Variants in SCHIP1 observed in about 807,000 individuals in gnomAD.
SCHIP1 encodes the protein schwannomin interacting protein 1.
In SCHIP1, 8 loss-of-function variants were observed where a neutral mutation model predicts 29.7. That is an observed-to-expected ratio of 0.27 (90% confidence interval 0.16 to 0.49). The LOEUF (loss-of-function observed/expected upper bound fraction) is 0.49. Ranked by LOEUF, SCHIP1 falls within the 20% of genes least tolerant of loss-of-function variation. SCHIP1 has a pLI of 0.99. For synonymous variants in SCHIP1, 76 were observed against 94.9 expected, an observed-to-expected ratio of 0.80 and a Z score of 1.16; for missense variants, 193 against 294.6, an observed-to-expected ratio of 0.66 and a Z score of 2.52.
chr3:159,604,130 GA>G, the SCHIP1 span, among the ~76,000 whole-genome samples: 1 of 152,260 alleles, frequency 6.6e-6, no homozygotes, highest in East Asian at 1.9e-4. Flanking sequence ...GGTTGAAGGA[GA>G]AAAATTCACC....
At chr3:159,469,935 T>C in the SCHIP1 span, among the ~76,000 whole-genome samples, 1 of 152,092 alleles carries the variant, frequency 6.6e-6, no homozygotes, top group Non-Finnish European at 1.5e-5. Context: ...CAATGTTCAT[T>C]AAATAATAAT....
chr3:159,586,881 C>T, the SCHIP1 span, among the ~76,000 whole-genome samples: 65 of 152,246 alleles, frequency 4.3e-4, 2 homozygotes, highest in South Asian at 5.0e-3. Flanking sequence ...ACTAAAGGTT[C>T]CATGGCAATT....
the SCHIP1 span, among the ~76,000 whole-genome samples, chr3:159,551,047 G>A: frequency 2.0e-5 from 3 of 152,192 alleles, no homozygotes; most frequent in South Asian, 2.1e-4. Flanking sequence ...GGATATTAAC[G>A]TGAAGTCTAG....
At chr3:159,544,353 T>G in the SCHIP1 span, among the ~76,000 whole-genome samples, 1 of 152,170 alleles carries the variant, frequency 6.6e-6, no homozygotes, top group African/African-American at 2.4e-5. Context: ...AGAGCATTCT[T>G]ACACATATTG....
At chr3:159,881,928 G>T (rs1305789163) in intron 2 of SCHIP1, among the ~76,000 whole-genome samples, 1 of 152,200 alleles carries the variant, frequency 6.6e-6, no homozygotes, top group East Asian at 1.9e-4. Flanking sequence ...ACAACTGCCG[G>T]TTGAGCTCTG....
chr3:159,421,368 A>T, the SCHIP1 span, among the ~76,000 whole-genome samples: 1 of 152,180 alleles, frequency 6.6e-6, no homozygotes, highest in African/African-American at 2.4e-5. Context: ...TGTCACTTGG[A>T]TGAGTGCTTT....
chr3:159,424,006 G>A, the SCHIP1 span, among the ~76,000 whole-genome samples: 2 of 149,268 alleles, frequency 1.3e-5, no homozygotes, highest in Non-Finnish European at 1.5e-5. Context: ...GGTCCTGTCT[G>A]TTAGAAGGAA....
chr3:159,509,277 A>T, the SCHIP1 span, among the ~76,000 whole-genome samples: 1 of 152,102 alleles, frequency 6.6e-6, no homozygotes, highest in Non-Finnish European at 1.5e-5. Context: ...TTTATCAGAG[A>T]CTAGGATTGC....
chr3:159,294,288 G>A, the SCHIP1 span, among the ~76,000 whole-genome samples: 2 of 152,158 alleles, frequency 1.3e-5, no homozygotes, highest in Non-Finnish European at 2.9e-5. Context: ...AATAGTAGCA[G>A]AATGTCTGTG....
At chr3:159,431,541 G>A in the SCHIP1 span, among the ~76,000 whole-genome samples, 9 of 152,132 alleles carry the variant, frequency 5.9e-5, no homozygotes, top group African/African-American at 1.9e-4. Context: ...CTATAATAGA[G>A]GAAAAACCAG....
At chr3:159,579,261 G>A in the SCHIP1 span, among the ~76,000 whole-genome samples, 1 of 152,100 alleles carries the variant, frequency 6.6e-6, no homozygotes, top group Non-Finnish European at 1.5e-5. Flanking sequence ...TCTAATGTAA[G>A]ACATTTTTAT....
chr3:159,679,946 C>T, the SCHIP1 span, among the ~76,000 whole-genome samples: 1 of 152,040 alleles, frequency 6.6e-6, no homozygotes, highest in Non-Finnish European at 1.5e-5. Flanking sequence ...TCCAAGAGCA[C>T]CCTCCTTCAG....
At chr3:159,895,303 G>C (rs1044665650) in intron 6 of SCHIP1, among the ~76,000 whole-genome samples, 5 of 152,080 alleles carry the variant, frequency 3.3e-5, no homozygotes, top group African/African-American at 4.8e-5. Context: ...TCACTCCCCT[G>C]TTTCTGAAAG....
chr3:159,356,257 C>T, the SCHIP1 span, among the ~76,000 whole-genome samples: 290 of 152,048 alleles, frequency 1.9e-3, no homozygotes, highest in Non-Finnish European at 3.4e-3. Context: ...AAGTTGTTAT[C>T]GTTCAATCCT....
the SCHIP1 span, among the ~76,000 whole-genome samples, chr3:159,613,236 T>C: frequency 6.6e-6 from 1 of 152,220 alleles, no homozygotes; most frequent in African/African-American, 2.4e-5. Flanking sequence ...CACCCTTGAA[T>C]CTATATGAAT....
chr3:159,557,195 G>A, the SCHIP1 span, among the ~76,000 whole-genome samples: 4 of 151,812 alleles, frequency 2.6e-5, no homozygotes, highest in Admixed American at 2.6e-4. Flanking sequence ...CTGACCTCAT[G>A]ATCTGCCTGC....
At chr3:159,275,611 G>A in the SCHIP1 span, among the ~76,000 whole-genome samples, 1 of 152,096 alleles carries the variant, frequency 6.6e-6, no homozygotes, top group Non-Finnish European at 1.5e-5. Context: ...ACATTTTAGT[G>A]ATATATTTAT....
chr3:159,821,635 C>A, the SCHIP1 span, among the ~76,000 whole-genome samples: 19 of 152,186 alleles, frequency 1.2e-4, no homozygotes, highest in Non-Finnish European at 2.4e-4. Context: ...GAAACTAGCA[C>A]AAATTTATTT....
chr3:159,312,489 G>A, the SCHIP1 span, among the ~76,000 whole-genome samples: 50,708 of 151,986 alleles, frequency 0.33, 9,041 homozygotes, highest in Non-Finnish European at 0.41. Context: ...GACGTGCATC[G>A]CCTCCTCCCA....
Sources: gnomAD v4.1 joint callset for allele counts (sites outside exome capture counted in the v4.1 genomes callset) on GRCh38, gnomAD v4.1.1 for gene constraint, MANE v1.5 for transcripts, NCBI Gene and HGNC (gene_info 2026-07-23, HGNC 2026-07-21) for gene names.